Variants in POC1A observed in about 807,000 individuals in gnomAD.
POC1A encodes the protein POC1 centriolar protein homolog A.
Under a neutral mutation model 47.8 loss-of-function variants are expected in POC1A, and 34 were observed. The observed-to-expected ratio is 0.71, with a 90% CI of 0.54 to 0.95. The LOEUF (loss-of-function observed/expected upper bound fraction) is 0.95, where lower values mean the gene tolerates loss of function less well. Among genes scored for constraint, POC1A ranks in the 40% least tolerant of loss-of-function variants. The probability of loss-of-function intolerance (pLI) is 0.00; values close to 1 mark genes in which losing one functional copy is unlikely to be tolerated. For missense variants in POC1A, 466 were observed against 528.3 expected, an observed-to-expected ratio of 0.88 and a Z score of 1.16; for synonymous variants, 177 against 207.6, an observed-to-expected ratio of 0.85 and a Z score of 1.27.
At position 52,079,461 on chromosome 3, in the gene POC1A, C is replaced by T. The variant is rs749556805; in HGVS notation, c.1126-3476G>A. ...TACCTCTGCGGCCTCCCCGGGTCCACACTCCATGGCCTGGAAGCCACGACT... is the reference window on the plus strand; with the variant it reads ...TACCTCTGCGGCCTCCCCGGGTCCATACTCCATGGCCTGGAAGCCACGACT... On this transcript the variant is annotated intron_variant, in intron 10 of 10. Transcript: ENST00000296484. This position sits in a 1 kb window ranked among gnomAD's most constrained non-coding sequence, Gnocchi z 4.6. Among the ~76,000 whole-genome samples, 1 of 152,246 alleles carries T rather than the reference C, an allele frequency of 6.6e-6. No homozygotes were observed. Among genetic ancestry groups the T allele is most frequent in the Non-Finnish European group, 1.5e-5 (1 of 68,046 alleles).
At chr3:52,136,292 GAGCTGTACCC>G in intron 7 of POC1A, among the ~76,000 whole-genome samples, 1 of 152,236 alleles carries the variant, frequency 6.6e-6, no homozygotes, top group East Asian at 1.9e-4. Context: ...ACCTTCATCT[GAGCTGTACCC>G]TGGGAGATGG....
rs1049367719 is a variant in POC1A at position 52,084,644 on chromosome 3, C to A, written c.1126-8659G>T. ...CTCCAAGTGCAGGCTTCACTCGAGG[C>A]TTCCCCAGTCCATCCCCCTGCCCCC... is the stretch of plus-strand genomic sequence containing the variant. On this transcript the variant is annotated intron_variant, in intron 10 of 10. Coordinates refer to ENST00000296484, the MANE Select transcript of POC1A (RefSeq NM_015426.5). The surrounding 1 kb of genome is among the most constrained non-coding windows in gnomAD (Gnocchi z 4.3). 4.6e-5 allele frequency among the ~76,000 whole-genome samples: 7 copies of A among 152,258 alleles called. No homozygotes were observed. Among genetic ancestry groups the A allele is most frequent in the African/African-American group, 1.7e-4 (7 of 41,474 alleles).
rs528982277 is a variant in POC1A, at chr3:52,144,304, G to A, written c.679+1542C>T. 5.9e-5 allele frequency among the ~76,000 whole-genome samples: 9 copies of A among 152,358 alleles called. No homozygotes were observed. The East Asian group carries it at 1.7e-3, about 29-fold the overall frequency. ...CAGGCCTGGCCCAGAGCAGAAGGCT[G>A]AAGGAAGGATAGGAAAGATATGGGC... On this transcript the variant is annotated intron_variant, in intron 6 of 10. Transcript: ENST00000296484.
intron 10 of POC1A, among the ~76,000 whole-genome samples, chr3:52,087,836 G>A (rs1021665095): frequency 3.3e-5 from 5 of 152,210 alleles, no homozygotes; most frequent in Admixed American, 6.5e-5. Flanking sequence ...TGACACTGGG[G>A]TGGGTTCAAG....
intron 6 of POC1A, among the ~76,000 whole-genome samples, chr3:52,140,903 C>A (rs1698170681): frequency 6.6e-6 from 1 of 152,230 alleles, no homozygotes; most frequent in South Asian, 2.1e-4. Flanking sequence ...GGGCATGAGC[C>A]TTCTATCATG....
chr3:52,104,342 G>C (rs1703100647), intron 9 of POC1A, among the ~76,000 whole-genome samples: 1 of 152,202 alleles, frequency 6.6e-6, no homozygotes, highest in African/African-American at 2.4e-5. Flanking sequence ...ACTGACTACA[G>C]AGAAGCAAAA....
intron 7 of POC1A, among the ~76,000 whole-genome samples, chr3:52,131,983 T>A (rs758275485): frequency 3.2e-4 from 49 of 152,120 alleles, no homozygotes; most frequent in African/African-American, 1.2e-3. Flanking sequence ...ACCAGGACCA[T>A]GTCCACAACA....
intron 7 of POC1A, among the ~76,000 whole-genome samples, chr3:52,127,200 C>T (rs1577885896): frequency 6.6e-6 from 1 of 152,092 alleles, no homozygotes; most frequent in Admixed American, 6.5e-5. Flanking sequence ...GGGTGAAATC[C>T]CAAGTGTAAG....
chr3:52,136,238 G>A (rs559645577), intron 7 of POC1A, among the ~76,000 whole-genome samples: 5 of 152,216 alleles, frequency 3.3e-5, no homozygotes, highest in Non-Finnish European at 7.4e-5. Flanking sequence ...GGAGTTTAGG[G>A]GGCTGGGAGA....
chr3:52,124,572 C>G (rs897075730), intron 8 of POC1A, among the ~76,000 whole-genome samples: 2 of 152,178 alleles, frequency 1.3e-5, no homozygotes, highest in African/African-American at 4.8e-5. Context: ...GCTCCCAGGG[C>G]AGGAGAATGA....
At chr3:52,148,483 G>A (rs551967247) in intron 4 of POC1A, among the ~76,000 whole-genome samples, 1 of 152,328 alleles carries the variant, frequency 6.6e-6, no homozygotes, top group African/African-American at 2.4e-5. Context: ...TGACCCATGG[G>A]GAAGCTCTGT....
At chr3:52,097,311 G>A (rs1044837294) in intron 9 of POC1A, among the ~76,000 whole-genome samples, 1 of 152,226 alleles carries the variant, frequency 6.6e-6, no homozygotes, top group African/African-American at 2.4e-5. Context: ...AGATTTCTGT[G>A]TGCATGTCCC....
At chr3:52,121,430 A>G (rs1488186472) in intron 9 of POC1A, among the ~76,000 whole-genome samples, 1 of 152,248 alleles carries the variant, frequency 6.6e-6, no homozygotes, top group Admixed American at 6.5e-5. Context: ...AACCCTTGTA[A>G]GAAAAACCAT....
At chr3:52,138,788 A>C (rs1190636949) in intron 6 of POC1A, among the ~76,000 whole-genome samples, 1 of 152,198 alleles carries the variant, frequency 6.6e-6, no homozygotes, top group Non-Finnish European at 1.5e-5. Flanking sequence ...ACTCTTAGGA[A>C]GCAGTCAGGC....
chr3:52,110,208 C>A (rs955965899), intron 9 of POC1A, among the ~76,000 whole-genome samples: 3 of 152,196 alleles, frequency 2.0e-5, no homozygotes, highest in African/African-American at 7.2e-5. Flanking sequence ...AAGGCCCCAG[C>A]CCTCCAGGGA....
intron 9 of POC1A, among the ~76,000 whole-genome samples, chr3:52,116,978 T>A (rs1018756952): frequency 5.3e-5 from 8 of 152,016 alleles, no homozygotes; most frequent in African/African-American, 1.9e-4. Context: ...ACCTGAGCTC[T>A]CGAGTTCGAG....
At chr3:52,141,239 C>T (rs1490871932) in intron 6 of POC1A, among the ~76,000 whole-genome samples, 1 of 152,248 alleles carries the variant, frequency 6.6e-6, no homozygotes, top group Non-Finnish European at 1.5e-5. Flanking sequence ...CCACTCCATG[C>T]TGCTCTGCCT....
At chr3:52,112,208 C>T (rs1016382184) in intron 9 of POC1A, among the ~76,000 whole-genome samples, 4 of 152,164 alleles carry the variant, frequency 2.6e-5, no homozygotes, top group African/African-American at 4.8e-5. Flanking sequence ...GGCTGAAGTG[C>T]GGTGGTGCAA....
intron 9 of POC1A, among the ~76,000 whole-genome samples, chr3:52,119,583 A>G (rs977745940): frequency 5.9e-5 from 9 of 151,982 alleles, no homozygotes; most frequent in African/African-American, 1.7e-4. Context: ...TTTTGTAGAG[A>G]CGAGATCTTG....
Sources: allele counts gnomAD v4.1 joint callset (sites outside exome capture counted in the v4.1 genomes callset), GRCh38; gene constraint gnomAD v4.1.1; non-coding constraint Gnocchi (gnomAD v3.1); transcripts MANE v1.5; gene names NCBI Gene and HGNC (gene_info 2026-07-23, HGNC 2026-07-21).